The following LPAR5 variants were observed in gnomAD, a reference collection of about 807,000 sequenced individuals.
The protein encoded by LPAR5 is G protein-coupled receptor 92.
For missense variants in LPAR5, 544 were observed against 521.8 expected (o/e 1.04, Z -0.41); for synonymous variants, 271 against 261.6 (o/e 1.04, Z -0.35).
At chr12:6,623,416 C>T (rs1484037038) in intron 1 of LPAR5, among the ~76,000 whole-genome samples, 1 of 151,792 alleles carries the variant, frequency 6.6e-6, no homozygotes, top group Non-Finnish European at 1.5e-5. Flanking sequence ...CACTTGTAAT[C>T]CCAGCTCCTC....
Position 6,621,070 on chromosome 12 carries a change from T to C in LPAR5, c.179A>G (p.Tyr60Cys), listed in dbSNP as rs561962333. ...ALRVHSVVSV[Y>C]MCNLAASDLL... The stretch of plus-strand genomic sequence containing the variant: ...GTCGCTGGCCGCCAGGTTACACATG[T>C]ACACGCTCACCACCGAGTGCACGCG... The change falls in exon 2 of 2, where the codon TAC becomes TGC. Residue 60 changes from tyrosine (Y) to cysteine (C), a missense_variant. Tyr to Cys is a radical substitution (Grantham distance 194, BLOSUM62 -2). Coordinates refer to ENST00000329858, the MANE Select transcript of LPAR5 (RefSeq NM_020400.6). 6.2e-7 allele frequency: 1 copy of C among 1,604,714 alleles called. No individual in the cohort carries two copies. Among genetic ancestry groups the C allele is most frequent in the East Asian group, 2.2e-5 (1 of 44,556 alleles).
rs780724716 is a variant in LPAR5 at position 6,621,220 on chromosome 12, C to G, written c.29G>C (p.Ser10Thr). 6.6e-7 allele frequency: 1 copy of G among 1,518,026 alleles called. No individual in the cohort carries two copies. Among genetic ancestry groups the G allele is most frequent in the Admixed American group, 2.2e-5 (1 of 45,808 alleles). The allele number at this position is 1,518,026 out of a possible 1,614,324, so 94.0% of individuals were successfully genotyped here. A position where few individuals can be genotyped will look rare whatever the true frequency, so the allele number is the denominator to read the frequency against. ...GTAGTCAGGACACGGGAGAACAGAA[C>G]TGTTGGTTGAGGAGCTGTTGGCTAA... Reference protein sequence around the residue: MLANSSSTNSSVLPCPDYRP... With the variant: MLANSSSTNTSVLPCPDYRP... The change falls in exon 2 of 2, where the codon AGT becomes ACT. Residue 10 changes from serine (S) to threonine (T), a missense_variant. By Grantham distance (58) the Ser-to-Thr change is moderately conservative (BLOSUM62 1). Transcript: ENST00000329858.
Position 6,620,733 on chromosome 12 carries a change from C to A in LPAR5, c.516G>T (p.Val172=). Residue 172 remains valine, a synonymous_variant, in exon 2 of 2, where the codon GTG becomes GTT. Transcript: ENST00000329858. This position sits in a 1 kb window ranked among gnomAD's most constrained non-coding sequence, Gnocchi z 6.8. ...PSRCRYRDLE[V]RLCFESFSDE... ...CGCTGAAGCTCTCGAAGCATAGGCG[C>A]ACCTCGAGGTCCCGGTAGCGGCAAC... 6.3e-7 allele frequency: 1 copy of A among 1,589,300 alleles called. No homozygotes were observed. Among genetic ancestry groups the A allele is most frequent in the African/African-American group, 1.3e-5 (1 of 74,696 alleles).
At chr12:6,627,097 G>A (rs1242548174) in intron 1 of LPAR5, among the ~76,000 whole-genome samples, 5 of 152,138 alleles carry the variant, frequency 3.3e-5, no homozygotes, top group Non-Finnish European at 2.9e-5. Context: ...TTGTCCAACT[G>A]AAATGTATAA....
At chr12:6,623,069 C>T (rs1034340529) in intron 1 of LPAR5, among the ~76,000 whole-genome samples, 1 of 152,246 alleles carries the variant, frequency 6.6e-6, no homozygotes, top group Non-Finnish European at 1.5e-5. Flanking sequence ...AAAACCCTGT[C>T]TCTACTAAAA....
intron 1 of LPAR5, among the ~76,000 whole-genome samples, chr12:6,630,658 G>T (rs1051918003): frequency 6.6e-6 from 1 of 151,740 alleles, no homozygotes; most frequent in Non-Finnish European, 1.5e-5. Context: ...CACCATATTG[G>T]TCAGGCTGGT....
At chr12:6,628,170 T>C (rs1161313318) in intron 1 of LPAR5, among the ~76,000 whole-genome samples, 1 of 150,738 alleles carries the variant, frequency 6.6e-6, no homozygotes, top group Non-Finnish European at 1.5e-5. Context: ...TACAGGCACC[T>C]GCCACCTCAC....
At chr12:6,621,526 C>G (rs912803458) in intron 1 of LPAR5, 62 bp from the exon 2 acceptor site, 8 of 333,430 alleles carry the variant, frequency 2.4e-5, no homozygotes, top group African/African-American at 1.7e-4. Context: ...AAATGTTTAG[C>G]TCCACTGGCA....
intron 1 of LPAR5, among the ~76,000 whole-genome samples, chr12:6,625,137 C>T (rs1230703920): frequency 2.0e-5 from 3 of 152,020 alleles, no homozygotes; most frequent in Non-Finnish European, 4.4e-5. Context: ...TCAAAAGGAA[C>T]TGTTTAGGCC....
rs1565628750 is a variant in LPAR5, at chr12:6,620,154, C to G, written c.1095G>C (p.Gln365His). Residue 365 changes from glutamine (Q) to histidine (H), a missense_variant, in exon 2 of 2, where the codon CAG becomes CAC. By Grantham distance (24) the Gln-to-His change is conservative. Transcript: ENST00000329858. The surrounding 1 kb of genome is among the most constrained non-coding windows in gnomAD (Gnocchi z 6.8). The part of the protein sequence containing the change: ...SDSHSLSSFT[Q>H]CPQDSAL ...TTCAGAGGGCGGAATCCTGGGGACACTGTGTGAAGGAAGACAGAGAGTGGG... is the reference window on the plus strand; with the variant it reads ...TTCAGAGGGCGGAATCCTGGGGACAGTGTGTGAAGGAAGACAGAGAGTGGG... 1.2e-6 allele frequency: 2 copies of G among 1,613,640 alleles called. No individual in the cohort carries two copies. The highest frequency in any genetic ancestry group is 3.3e-5 in the Admixed American group (2 of 60,000).
chr12:6,625,319 G>A (rs1488168816), intron 1 of LPAR5, among the ~76,000 whole-genome samples: 2 of 151,404 alleles, frequency 1.3e-5, no homozygotes, highest in Non-Finnish European at 2.9e-5. Context: ...CAGCTACTCA[G>A]GAGGCTGAGG....
intron 1 of LPAR5, among the ~76,000 whole-genome samples, chr12:6,635,623 G>A (rs1949004250): frequency 6.6e-6 from 1 of 152,144 alleles, no homozygotes; most frequent in South Asian, 2.1e-4. Flanking sequence ...GGCCTAGAGG[G>A]GGAGGGGGAG....
At chr12:6,635,105 G>A (rs1206519792) in intron 1 of LPAR5, among the ~76,000 whole-genome samples, 2 of 149,886 alleles carry the variant, frequency 1.3e-5, no homozygotes, top group African/African-American at 5.0e-5. Flanking sequence ...AAAAAAGAAA[G>A]GAAGGAAGGA....
chr12:6,629,408 C>T lies in LPAR5; in HGVS notation c.-217+6499G>A, dbSNP rs1246103024. On this transcript the variant is annotated intron_variant, in intron 1 of 1. Transcript: ENST00000329858. ...AAAAAAAAAGGGCCAAGCGCGGTGGCTTACACCTGTAATCCCAGCACTTTG... is the reference window on the plus strand; with the variant it reads ...AAAAAAAAAGGGCCAAGCGCGGTGGTTTACACCTGTAATCCCAGCACTTTG... 7.6e-5 allele frequency among the ~76,000 whole-genome samples: 11 copies of T among 145,502 alleles called. No homozygotes were observed. The South Asian group carries it at 1.7e-3, about 23-fold the overall frequency.
chr12:6,620,027 A>C lies in LPAR5; in HGVS notation c.*103T>G. The C allele has an allele frequency of 2.0e-6, 3 of 1,475,748 alleles. No individual in the cohort carries two copies. Among genetic ancestry groups the C allele is most frequent in the Non-Finnish European group, 2.8e-6 (3 of 1,075,542 alleles). The allele number at this position is 1,475,748 out of a possible 1,614,324, so 91.4% of individuals were successfully genotyped here. The stretch of plus-strand genomic sequence containing the variant: ...GTTGCTAAGCTGGAATTGCCACCCA[A>C]AGGTCCAAGTGCCCAGCCCACCTTC... On this transcript the variant is annotated 3_prime_UTR_variant, in exon 2 of 2. Transcript: ENST00000329858. This position sits in a 1 kb window ranked among gnomAD's most constrained non-coding sequence, Gnocchi z 6.8.
At chr12:6,630,699 G>A (rs985330277) in intron 1 of LPAR5, among the ~76,000 whole-genome samples, 11 of 151,572 alleles carry the variant, frequency 7.3e-5, no homozygotes, top group Admixed American at 1.3e-4. Flanking sequence ...TGATCCACCC[G>A]GCTCGGCCTC....
rs776459189 is a variant in LPAR5, at chr12:6,620,615, C to T, written c.634G>A (p.Gly212Ser). ...CGCGCCAGCGTCCAGAAGACTCGGC[C>T]CGACGAGTAGACCACCGCCGCCAGG... ...LPLAAVVYSSGRVFWTLARPD... is the reference protein window; with the variant it reads ...LPLAAVVYSSSRVFWTLARPD... The change falls in exon 2 of 2, where the codon GGC becomes AGC. Residue 212 changes from glycine (G) to serine (S), a missense_variant. Gly to Ser is a moderately conservative substitution (Grantham distance 56). Transcript: ENST00000329858. The surrounding 1 kb of genome is among the most constrained non-coding windows in gnomAD (Gnocchi z 6.8). The T allele has an allele frequency of 2.6e-6, 4 of 1,551,570 alleles. No homozygotes were observed. The highest frequency in any genetic ancestry group is 3.5e-6 in the Non-Finnish European group (4 of 1,148,350).
intron 1 of LPAR5, among the ~76,000 whole-genome samples, chr12:6,633,739 C>G (rs1948994928): frequency 6.6e-6 from 1 of 152,008 alleles, no homozygotes; most frequent in African/African-American, 2.4e-5. Context: ...TAAAATGCCC[C>G]TGGGCATAAA....
rs1164862627 is a variant in LPAR5, at chr12:6,619,715, T to G, written c.*415A>C. ...ACAGAAGTCAGCAGATGAACAGGCA[T>G]CTCAGTAGCTTTGTCCACCAAACCT... is the stretch of plus-strand genomic sequence containing the variant. On this transcript the variant is annotated 3_prime_UTR_variant, in exon 2 of 2. Coordinates refer to ENST00000329858, the MANE Select transcript of LPAR5 (RefSeq NM_020400.6). The G allele has an allele frequency of 2.8e-6, 1 of 359,520 alleles. No individual in the cohort carries two copies. The highest frequency in any genetic ancestry group is 2.1e-5 in the African/African-American group (1 of 47,108). The allele number at this position is 359,520 out of a possible 1,614,324, so 22.3% of individuals were successfully genotyped here.
Sources: gnomAD v4.1 joint callset for allele counts (sites outside exome capture counted in the v4.1 genomes callset) on GRCh38, gnomAD v4.1.1 for gene constraint, Gnocchi (gnomAD v3.1) non-coding constraint, MANE v1.5 for transcripts, NCBI Gene and HGNC (gene_info 2026-07-23, HGNC 2026-07-21) for gene names.